GPR160: variants seen among roughly 807,000 people sequenced by gnomAD.
GPR160 encodes the protein probable G protein-coupled receptor 160.
A neutral mutation model predicts 2.6 loss-of-function variants in GPR160; 2 were observed. The observed-to-expected ratio is 0.77, with a 90% CI of 0.32 to 2.44. The LOEUF (loss-of-function observed/expected upper bound fraction) is 2.44. Ranked by LOEUF, GPR160 falls within the 30% of genes most tolerant of loss-of-function variation. The pLI is 0.11. For missense variants in GPR160, 351 were observed against 383.6 expected (o/e 0.91, Z 0.71); for synonymous variants, 130 against 132.2 (o/e 0.98, Z 0.12).
At chr3:170,058,915 G>T (rs925977619) in intron 2 of GPR160, among the ~76,000 whole-genome samples, 12 of 152,096 alleles carry the variant, frequency 7.9e-5, no homozygotes, top group African/African-American at 2.9e-4. Flanking sequence ...AAGATGAAAT[G>T]CTTTCTAGGA....
chr3:170,068,966 A>G (rs544042214), intron 2 of GPR160, among the ~76,000 whole-genome samples: 55 of 152,336 alleles, frequency 3.6e-4, no homozygotes, highest in Middle Eastern at 3.4e-3. Flanking sequence ...GCTGATGCCT[A>G]GAGAGAACTG....
chr3:170,084,329 T>C lies in GPR160; in HGVS notation c.357T>C (p.Asp119=). The C allele has an allele frequency of 1.9e-6, 3 of 1,609,258 alleles. No individual in the cohort carries two copies. The highest frequency in any genetic ancestry group is 2.2e-5 in the South Asian group (2 of 90,402). The change falls in exon 4 of 4, where the codon GAT becomes GAC. Residue 119 remains aspartate, a synonymous_variant. Coordinates refer to ENST00000355897, the MANE Select transcript of GPR160 (RefSeq NM_014373.3). ...HYPVFLTACI[D]YCLNFSKTTK... ...CAGTTTTCCTGACAGCTTGTATAGATTATTGCCTGAATTTCTCTAAAACAA... is the reference window on the plus strand; with the variant it reads ...CAGTTTTCCTGACAGCTTGTATAGACTATTGCCTGAATTTCTCTAAAACAA...
In GPR160 at chr3:170,084,513, CAG is replaced by C; in HGVS notation, c.544_545del (p.Ser182LeufsTer37). ...TCACTGTCCTTTCTATGTCAGCATTCAGAGTTACTGGCTGTCATTTTTCATGG... is the reference window on the plus strand; with the variant it reads ...TCACTGTCCTTTCTATGTCAGCATTCAGTTACTGGCTGTCATTTTTCATGG... ...SRHCPFYVSIQSYWLSFFMVM... is the reference protein window; with the variant it reads ...SRHCPFYVSIXSYWLSFFMVM... On this transcript the variant is annotated frameshift_variant, in exon 4 of 4. Coordinates refer to ENST00000355897, the MANE Select transcript of GPR160 (RefSeq NM_014373.3). LOFTEE classifies it low-confidence loss of function (END_TRUNC). 10 of 1,612,786 alleles carry C rather than the reference CAG, an allele frequency of 6.2e-6. No individual in the cohort carries two copies. Among genetic ancestry groups the C allele is most frequent in the Middle Eastern group, 1.7e-4 (1 of 6,060 alleles).
chr3:170,054,536 T>C (rs1246985134), intron 2 of GPR160, among the ~76,000 whole-genome samples: 3 of 152,174 alleles, frequency 2.0e-5, no homozygotes, highest in African/African-American at 7.2e-5. Context: ...ATTCACATTG[T>C]TGAGCAACTG....
intron 2 of GPR160, among the ~76,000 whole-genome samples, chr3:170,052,385 A>G (rs1050895126): frequency 6.6e-6 from 1 of 152,166 alleles, no homozygotes; most frequent in Non-Finnish European, 1.5e-5. Context: ...ATCTTTTCCA[A>G]TATTTGGTAT....
intron 2 of GPR160, among the ~76,000 whole-genome samples, chr3:170,056,392 G>A (rs530682037): frequency 4.6e-5 from 7 of 152,142 alleles, no homozygotes; most frequent in Admixed American, 3.9e-4. Flanking sequence ...AACATTTTAC[G>A]GATCTGGAGG....
chr3:170,039,695 C>T (rs989649812), intron 2 of GPR160, among the ~76,000 whole-genome samples: 1 of 152,092 alleles, frequency 6.6e-6, no homozygotes. Flanking sequence ...GGAGGCAGAG[C>T]GAGACTCCGT....
chr3:170,041,600 G>T (rs1274446522), intron 2 of GPR160, among the ~76,000 whole-genome samples: 1 of 152,150 alleles, frequency 6.6e-6, no homozygotes, highest in Non-Finnish European at 1.5e-5. Context: ...TTTAAGATTC[G>T]GTTGAGGAAT....
intron 3 of GPR160, among the ~76,000 whole-genome samples, chr3:170,082,273 A>AT (rs903205719): frequency 2.6e-5 from 4 of 152,166 alleles, no homozygotes; most frequent in African/African-American, 4.8e-5. Flanking sequence ...TCATGACATT[A>AT]TTTTTTTAAC....
At chr3:170,050,496 T>C (rs73178452) in intron 2 of GPR160, among the ~76,000 whole-genome samples, 40,878 of 151,690 alleles carry the variant, frequency 0.27, 6,227 homozygotes, top group East Asian at 0.51. Context: ...AACCTCCACC[T>C]GCCAGGTTCA....
At chr3:170,074,392 C>A (rs774805868) in intron 2 of GPR160, among the ~76,000 whole-genome samples, 7 of 150,460 alleles carry the variant, frequency 4.7e-5, no homozygotes, top group African/African-American at 7.3e-5. Context: ...TTTATTGGTT[C>A]TTTTTTTCCC....
chr3:170,071,125 A>G (rs1277319977), intron 2 of GPR160, among the ~76,000 whole-genome samples: 2 of 151,998 alleles, frequency 1.3e-5, no homozygotes, highest in Non-Finnish European at 2.9e-5. Flanking sequence ...CTTTATTGCT[A>G]GGCTCTTTTT....
chr3:170,046,661 T>A (rs181158547), intron 2 of GPR160, among the ~76,000 whole-genome samples: 22 of 152,304 alleles, frequency 1.4e-4, no homozygotes, highest in African/African-American at 5.3e-4. Context: ...CTTTTTAACT[T>A]GGAAAAGTAA....
intron 2 of GPR160, among the ~76,000 whole-genome samples, chr3:170,060,010 T>C (rs1285327724): frequency 6.6e-6 from 1 of 151,976 alleles, no homozygotes; most frequent in Non-Finnish European, 1.5e-5. Flanking sequence ...ATTGGAGGTA[T>C]CAGTGTGCCA....
intron 2 of GPR160, among the ~76,000 whole-genome samples, chr3:170,060,731 A>G (rs1711893556): frequency 6.6e-6 from 1 of 152,180 alleles, no homozygotes; most frequent in Non-Finnish European, 1.5e-5. Context: ...TGACTGTACT[A>G]CTGCACTCCA....
rs201803892 is a variant in GPR160 at position 170,042,437 on chromosome 3, G to A, written c.-193+3394G>A. 8.5e-5 allele frequency among the ~76,000 whole-genome samples: 10 copies of A among 117,764 alleles called. No homozygotes were observed. The South Asian group carries it at 1.2e-3, about 14-fold the overall frequency. 77.3% of individuals were successfully genotyped at this position (117,764 alleles called of 152,430 possible). A position where few individuals can be genotyped will look rare whatever the true frequency, so the allele number is the denominator to read the frequency against. ...TACTGCCTCAAAAAAAAAAAAAAAA[G>A]AAAGAAAGAAATCTAAAGAAGATTG... On this transcript the variant is annotated intron_variant, in intron 2 of 3. Transcript: ENST00000355897.
chr3:170,069,055 A>C (rs1027833817), intron 2 of GPR160, among the ~76,000 whole-genome samples: 1 of 152,172 alleles, frequency 6.6e-6, no homozygotes, highest in Non-Finnish European at 1.5e-5. Context: ...AACTTCCGCT[A>C]TATGTATTTT....
chr3:170,066,115 ATTCTTT>A (rs1362456956), intron 2 of GPR160, among the ~76,000 whole-genome samples: 4 of 99,110 alleles, frequency 4.0e-5, no homozygotes, highest in Admixed American at 2.3e-4. Flanking sequence ...ACTTGACACT[ATTCTTT>A]TTCTTTTTCT....
intron 2 of GPR160, among the ~76,000 whole-genome samples, chr3:170,058,249 C>T (rs1711740870): frequency 6.6e-6 from 1 of 152,188 alleles, no homozygotes; most frequent in African/African-American, 2.4e-5. Flanking sequence ...GTATTTCAGG[C>T]CACTGGGTGG....
Sources: gnomAD v4.1 joint callset for allele counts (sites outside exome capture counted in the v4.1 genomes callset) on GRCh38, gnomAD v4.1.1 for gene constraint, MANE v1.5 for transcripts, NCBI Gene and HGNC (gene_info 2026-07-23, HGNC 2026-07-21) for gene names.